VPS13B: variants seen among roughly 807,000 people sequenced by gnomAD.
The protein encoded by VPS13B is intermembrane lipid transfer protein VPS13B.
Under a neutral mutation model 426.4 loss-of-function variants are expected in VPS13B, and 285 were observed. The observed-to-expected ratio is 0.67, with a 90% CI of 0.61 to 0.74. The LOEUF is 0.74. VPS13B is among the 30% of genes least tolerant of loss of function. VPS13B has a pLI of 0.00. For missense variants in VPS13B, 4,537 were observed against 4,782.6 expected (o/e 0.95, Z 1.51); for synonymous variants, 1,676 against 1,676.4 (o/e 1.00, Z 0.01).
chr8:99,598,713 G>T (rs1827136422), intron 33 of VPS13B, among the ~76,000 whole-genome samples: 1 of 151,808 alleles, frequency 6.6e-6, no homozygotes, highest in African/African-American at 2.4e-5. Context: ...CACTAATTGA[G>T]CATTCCTTCC....
At chr8:99,801,346 T>G (rs1813109919) in intron 43 of VPS13B, among the ~76,000 whole-genome samples, 1 of 152,224 alleles carries the variant, frequency 6.6e-6, no homozygotes, top group Admixed American at 6.5e-5. Context: ...TAATAGAAAG[T>G]TAATTTTCTA....
chr8:99,822,854 ACATCT>A (rs1192610842), intron 50 of VPS13B, among the ~76,000 whole-genome samples: 1 of 152,210 alleles, frequency 6.6e-6, no homozygotes, highest in African/African-American at 2.4e-5. Flanking sequence ...CACAGTAATA[ACATCT>A]CATGTCATGT....
intron 33 of VPS13B, among the ~76,000 whole-genome samples, chr8:99,607,069 C>T (rs748852418): frequency 6.6e-5 from 10 of 152,128 alleles, no homozygotes; most frequent in Admixed American, 2.0e-4. Context: ...TGCCATGTAA[C>T]CAACAAACCT....
At chr8:99,644,168 C>A (rs1391215061) in intron 34 of VPS13B, among the ~76,000 whole-genome samples, 1 of 152,100 alleles carries the variant, frequency 6.6e-6, no homozygotes, top group Non-Finnish European at 1.5e-5. Context: ...ATCACAGAAG[C>A]CTCATTTTGC....
intron 33 of VPS13B, among the ~76,000 whole-genome samples, chr8:99,632,768 CAGAG>C (rs998938609): frequency 6.6e-5 from 10 of 151,924 alleles, no homozygotes; most frequent in South Asian, 2.1e-4. Flanking sequence ...TAACATATGA[CAGAG>C]AGAGAATATA....
intron 33 of VPS13B, among the ~76,000 whole-genome samples, chr8:99,602,157 C>A (rs773346565): frequency 4.6e-5 from 7 of 152,024 alleles, no homozygotes; most frequent in Non-Finnish European, 1.0e-4. Context: ...CTTTAATCCA[C>A]CTTGAGTTAA....
At chr8:99,697,311 C>A (rs1026390998) in intron 35 of VPS13B, 2 of 574,502 alleles carry the variant, frequency 3.5e-6, no homozygotes, top group Admixed American at 3.0e-5. Context: ...GGATGTCGCG[C>A]CCGAAGGTGT....
chr8:99,349,535 C>G (rs1811756348), intron 19 of VPS13B, among the ~76,000 whole-genome samples: 1 of 151,874 alleles, frequency 6.6e-6, no homozygotes, highest in Admixed American at 6.6e-5. Flanking sequence ...TACATGATGC[C>G]TGGTTAAATT....
At chr8:99,410,671 G>A (rs1039341854) in intron 21 of VPS13B, among the ~76,000 whole-genome samples, 8 of 151,832 alleles carry the variant, frequency 5.3e-5, no homozygotes, top group South Asian at 4.2e-4. Flanking sequence ...CCATCTACCC[G>A]TCATCTACAT....
At chr8:99,436,746 T>C (rs1563729438) in intron 22 of VPS13B, among the ~76,000 whole-genome samples, 1 of 152,130 alleles carries the variant, frequency 6.6e-6, no homozygotes, top group South Asian at 2.1e-4. Context: ...TTTTATCTTA[T>C]TTTATTTTTT....
In VPS13B at chr8:99,511,110, A is replaced by G. The variant is rs1462190245; in HGVS notation, c.4231A>G (p.Thr1411Ala). ...LQCKEKSVTT[T>A]KLLDGTHQQH... is the part of the protein sequence containing the mutation. ...TTTCCTTTTTTTGGAACAGACAACT[A>G]CAAAACTTCTAGATGGCACTCATCA... Residue 1411 changes from threonine to alanine, a missense_variant, in exon 29 of 62, where the codon ACA (threonine) becomes GCA (alanine). Around this residue, in one of 2 missense-constraint regions of VPS13B, gnomAD observed 4,311 missense variants for 4,474.3 expected, o/e 0.96. Coordinates refer to ENST00000357162, the MANE Select transcript of VPS13B (RefSeq NM_152564.5). 15 of 1,612,634 alleles carry G rather than the reference A, an allele frequency of 9.3e-6. No individual in the cohort carries two copies. Among genetic ancestry groups the G allele is most frequent in the Non-Finnish European group, 1.3e-5 (15 of 1,179,978 alleles).
At chr8:99,468,476 A>G (rs1409896309) in intron 24 of VPS13B, among the ~76,000 whole-genome samples, 1 of 151,722 alleles carries the variant, frequency 6.6e-6, no homozygotes, top group African/African-American at 2.4e-5. Flanking sequence ...AAAAATTTAA[A>G]TATTATTTTT....
intron 17 of VPS13B, among the ~76,000 whole-genome samples, chr8:99,261,259 TTC>T (rs1002094198): frequency 3.9e-5 from 6 of 152,242 alleles, no homozygotes; most frequent in Non-Finnish European, 8.8e-5. Flanking sequence ...GCCCTAAAAT[TTC>T]TCTGTGTTCT....
intron 17 of VPS13B, among the ~76,000 whole-genome samples, chr8:99,268,089 A>G (rs1226968911): frequency 1.3e-5 from 2 of 152,196 alleles, no homozygotes; most frequent in African/African-American, 4.8e-5. Context: ...TGGTCCTGAG[A>G]GTACACAGAA....
At chr8:99,136,443 TC>T (rs1191850204) in intron 11 of VPS13B, among the ~76,000 whole-genome samples, 2 of 152,136 alleles carry the variant, frequency 1.3e-5, no homozygotes, top group East Asian at 3.8e-4. Flanking sequence ...AATAAAGTGG[TC>T]AAAATGTCTC....
Position 99,556,582 on chromosome 8 carries a change from C to T in VPS13B, c.4878C>T (p.Val1626=), listed in dbSNP as rs1294342896. The T allele has an allele frequency of 6.2e-7, 1 of 1,613,112 alleles. No homozygotes were observed. Among genetic ancestry groups the T allele is most frequent in the Admixed American group, 1.7e-5 (1 of 59,874 alleles). The change falls in exon 31 of 62, where the codon GTC becomes GTT. Residue 1626 remains valine, a synonymous_variant. Transcript: ENST00000357162. ...AACTAAAACCAGAGAAGGAAAGTGT[C>T]TCAGGAGGGGTGGTAACAGAGACTG... ...WHQLKPEKES[V]SGGVVTETER...
In VPS13B at chr8:99,288,978, C is replaced by G. The variant is rs1452398664; in HGVS notation, c.2824+13724C>G. Among the ~76,000 whole-genome samples, 7 of 151,770 alleles carry G rather than the reference C, an allele frequency of 4.6e-5. No individual in the cohort carries two copies. In the East Asian group the frequency reaches 1.3e-3, roughly 29 times the overall value. Reference sequence around the variant, plus strand: ...TTGGGAGGCTGAGGTGGAAGGATCACTTGAGTCCAGGAGTTTGAGACCAGC... The same window carrying G: ...TTGGGAGGCTGAGGTGGAAGGATCAGTTGAGTCCAGGAGTTTGAGACCAGC... On this transcript the variant is annotated intron_variant, in intron 19 of 61. Transcript: ENST00000357162.
At chr8:99,485,368 TA>T (rs879634996) in intron 25 of VPS13B, among the ~76,000 whole-genome samples, 7 of 152,264 alleles carry the variant, frequency 4.6e-5, no homozygotes, top group South Asian at 2.1e-4. Context: ...AATAAGGCAA[TA>T]AAAAATATTA....
chr8:99,124,195 A>G (rs937320907), intron 8 of VPS13B, among the ~76,000 whole-genome samples: 2 of 152,186 alleles, frequency 1.3e-5, no homozygotes, highest in East Asian at 1.9e-4. Context: ...GGAATAGATT[A>G]TTTGTAAGAA....
Sources: gnomAD v4.1 joint callset for allele counts (sites outside exome capture counted in the v4.1 genomes callset) on GRCh38, gnomAD v4.1.1 for gene constraint, gnomAD v4.1.1 regional missense constraint, MANE v1.5 for transcripts, NCBI Gene and HGNC (gene_info 2026-07-23, HGNC 2026-07-21) for gene names.